PRPF19: variants seen among roughly 807,000 people sequenced by gnomAD.
PRPF19 encodes pre-mRNA processing factor 19, also known as pre-mRNA-processing factor 19.
Under a neutral mutation model 64.2 loss-of-function variants are expected in PRPF19, and 2 were observed. The ratio of observed to expected loss-of-function variants is 0.03; its 90% CI spans 0.01 to 0.10. PRPF19 has a LOEUF of 0.10. Among genes scored for constraint, PRPF19 ranks in the 10% least tolerant of loss-of-function variants. The pLI, the probability that PRPF19 is intolerant of heterozygous loss-of-function variation, is 1.00. For synonymous variants in PRPF19, 226 were observed against 251.6 expected (o/e 0.90, Z 0.96); for missense variants, 314 against 650.0 (o/e 0.48, Z 5.62).
chr11:60,903,199 T>C (rs1590608811), intron 3 of PRPF19, among the ~76,000 whole-genome samples: 2 of 152,178 alleles, frequency 1.3e-5, no homozygotes, highest in African/African-American at 4.8e-5. Context: ...CTGCTATTTA[T>C]TGATCGCCCT....
Position 60,903,877 on chromosome 11 carries a change from T to C in PRPF19, c.20-16A>G, listed in dbSNP as rs1856013320. 1 of 1,606,214 alleles carries C rather than the reference T, an allele frequency of 6.2e-7. No individual in the cohort carries two copies. Among genetic ancestry groups the C allele is most frequent in the Non-Finnish European group, 8.5e-7 (1 of 1,178,158 alleles). ...TCGTTAGAGACTGTAGAGAAAAGGCTGGTAGTGAGCTTGGAGTGAAGGCAA... is the reference window on the plus strand; with the variant it reads ...TCGTTAGAGACTGTAGAGAAAAGGCCGGTAGTGAGCTTGGAGTGAAGGCAA... On this transcript the variant is annotated splice_polypyrimidine_tract_variant and intron_variant, in intron 1 of 15. Coordinates refer to ENST00000227524, the MANE Select transcript of PRPF19 (RefSeq NM_014502.5).
At chr11:60,904,728 C>T (rs1423608421) in intron 1 of PRPF19, among the ~76,000 whole-genome samples, 1 of 152,202 alleles carries the variant, frequency 6.6e-6, no homozygotes, top group African/African-American at 2.4e-5. Flanking sequence ...GGGCACCCCA[C>T]CCTCCAGGAA....
chr11:60,900,835 G>C lies in PRPF19; in HGVS notation c.718+19C>G. The C allele has an allele frequency of 6.2e-7, 1 of 1,614,076 alleles. No homozygotes were observed. The highest frequency in any genetic ancestry group is 8.5e-7 in the Non-Finnish European group (1 of 1,179,952). ...GCCCCTCCCCACTTTGGCCTGCCGG[G>C]CTAGGCCCAGACTCTCACCAGTGAG... On this transcript the variant is annotated intron_variant, in intron 9 of 15. Transcript: ENST00000227524.
intron 15 of PRPF19, chr11:60,897,609 T>A: frequency 2.5e-6 from 1 of 404,630 alleles, no homozygotes; most frequent in Non-Finnish European, 4.4e-6. Context: ...GGGACTTTTC[T>A]CTCCCTTTAG....
chr11:60,905,132 A>G (rs1001548107), intron 1 of PRPF19, among the ~76,000 whole-genome samples: 1 of 152,252 alleles, frequency 6.6e-6, no homozygotes, highest in Non-Finnish European at 1.5e-5. Flanking sequence ...ACAGTAATTC[A>G]TCTTCACAAC....
intron 10 of PRPF19, 120 bp from the exon 11 acceptor site, chr11:60,899,424 G>T: frequency 9.0e-7 from 1 of 1,114,918 alleles, no homozygotes. Flanking sequence ...TTTCAGCTCT[G>T]CCCTCCCTGG....
rs1382775169 is a variant in PRPF19, at chr11:60,890,917, G to A, written c.*249C>T. The A allele has an allele frequency of 4.2e-5, 25 of 589,726 alleles. 1 individual carries two copies. Among genetic ancestry groups the A allele is most frequent in the South Asian group, 2.5e-4 (16 of 64,756 alleles). 36.5% of individuals were successfully genotyped at this position (589,726 alleles called of 1,614,324 possible). A position where few individuals can be genotyped will look rare whatever the true frequency, so the allele number is the denominator to read the frequency against. Reference sequence around the variant, plus strand: ...CAGGAAGGGAGAGGCCCTGGGCTCCGACCCTGGGCCTTAAGAGGGTGACAG... The same window carrying A: ...CAGGAAGGGAGAGGCCCTGGGCTCCAACCCTGGGCCTTAAGAGGGTGACAG... On this transcript the variant is annotated 3_prime_UTR_variant, in exon 16 of 16. Transcript: ENST00000227524.
At chr11:60,899,012 C>A in intron 11 of PRPF19, 81 bp from the exon 12 acceptor site, 1 of 1,509,470 alleles carries the variant, frequency 6.6e-7, no homozygotes, top group Non-Finnish European at 9.0e-7. Flanking sequence ...GACAGAGCCC[C>A]TGGTTTGGCA....
At position 60,906,569 on chromosome 11, in the gene PRPF19, A is replaced by G. The variant is rs1409121532; in HGVS notation, c.-187T>C. ...GGGACAGCCGCGCGCCACAGCCTTC[A>G]GCACCTAACGGAAATTGCCCTTTCC... On this transcript the variant is annotated 5_prime_UTR_variant, in exon 1 of 16. Coordinates refer to ENST00000227524, the MANE Select transcript of PRPF19 (RefSeq NM_014502.5). 1 of 566,520 alleles carries G rather than the reference A, an allele frequency of 1.8e-6. No homozygotes were observed. The highest frequency in any genetic ancestry group is 3.0e-6 in the Non-Finnish European group (1 of 329,874). The allele number at this position is 566,520 out of a possible 1,614,324, so 35.1% of individuals were successfully genotyped here.
chr11:60,894,072 C>G (rs1176149968), intron 15 of PRPF19, among the ~76,000 whole-genome samples: 1 of 152,178 alleles, frequency 6.6e-6, no homozygotes, highest in Non-Finnish European at 1.5e-5. Context: ...CATCTTTTTC[C>G]AAGACCCACC....
chr11:60,906,459 G>C lies in PRPF19; in HGVS notation c.-77C>G. Reference sequence around the variant, plus strand: ...TCTGAGCCTCCGCGAGCCACTTCCGGTCCCCCGCTGCTGCCGGGACTGCTC... The same window carrying C: ...TCTGAGCCTCCGCGAGCCACTTCCGCTCCCCCGCTGCTGCCGGGACTGCTC... On this transcript the variant is annotated 5_prime_UTR_variant, in exon 1 of 16. Coordinates refer to ENST00000227524, the MANE Select transcript of PRPF19 (RefSeq NM_014502.5). 6.8e-7 allele frequency: 1 copy of C among 1,460,940 alleles called. No individual in the cohort carries two copies. The highest frequency in any genetic ancestry group is 1.2e-5 in the South Asian group (1 of 81,650). 90.5% of individuals were successfully genotyped at this position (1,460,940 alleles called of 1,614,324 possible). A position where few individuals can be genotyped will look rare whatever the true frequency, so the allele number is the denominator to read the frequency against.
chr11:60,898,987 G>C lies in PRPF19; in HGVS notation c.985-56C>G. Reference sequence around the variant, plus strand: ...GTGAGAAAGTGGGTCCCAGGTTCTGGTGGCCCTTCAGCAAGACAGAGCCCC... The same window carrying C: ...GTGAGAAAGTGGGTCCCAGGTTCTGCTGGCCCTTCAGCAAGACAGAGCCCC... On this transcript the variant is annotated intron_variant, in intron 11 of 15. Transcript: ENST00000227524. This position sits in a 1 kb window ranked among gnomAD's most constrained non-coding sequence, Gnocchi z 4.6. 1 of 1,527,320 alleles carries C rather than the reference G, an allele frequency of 6.5e-7. No individual in the cohort carries two copies. Among genetic ancestry groups the C allele is most frequent in the East Asian group, 2.4e-5 (1 of 42,256 alleles). 94.6% of individuals were successfully genotyped at this position (1,527,320 alleles called of 1,614,324 possible). A position where few individuals can be genotyped will look rare whatever the true frequency, so the allele number is the denominator to read the frequency against.
At chr11:60,903,032 C>G in intron 3 of PRPF19, 151 bp from the exon 4 acceptor site, 1 of 1,354,514 alleles carries the variant, frequency 7.4e-7, no homozygotes, top group Non-Finnish European at 9.9e-7. Flanking sequence ...ACGAATGTGC[C>G]GGCAGACACT....
intron 15 of PRPF19, among the ~76,000 whole-genome samples, chr11:60,893,672 T>C (rs1172253538): frequency 6.6e-6 from 1 of 152,116 alleles, no homozygotes; most frequent in Non-Finnish European, 1.5e-5. Context: ...AAAGTTATGT[T>C]GGCCAGGCAT....
At position 60,898,149 on chromosome 11, in the gene PRPF19, C is replaced by G. The variant is rs1375851211; in HGVS notation, c.1263G>C (p.Leu421=). 1 of 1,614,220 alleles carries G rather than the reference C, an allele frequency of 6.2e-7. No homozygotes were observed. Reference sequence around the variant, plus strand: ...AAGTCTTAAAGTTCTTAAGCTTGCGCAGATCCCAGAGCTTGACAGAGGAGT... The same window carrying G: ...AAGTCTTAAAGTTCTTAAGCTTGCGGAGATCCCAGAGCTTGACAGAGGAGT... ...ADDSSVKLWD[L]RKLKNFKTLQ... The change falls in exon 14 of 16, where the codon CTG becomes CTC. Residue 421 remains leucine, a synonymous_variant. Transcript: ENST00000227524. This position sits in a 1 kb window ranked among gnomAD's most constrained non-coding sequence, Gnocchi z 4.6.
intron 15 of PRPF19, among the ~76,000 whole-genome samples, chr11:60,895,341 G>A (rs147492951): frequency 7.2e-4 from 109 of 152,358 alleles, no homozygotes; most frequent in African/African-American, 2.5e-3. Flanking sequence ...CTGTTATGGA[G>A]ATGGCTTCTT....
At chr11:60,893,119 A>C (rs1367715276) in intron 15 of PRPF19, among the ~76,000 whole-genome samples, 10 of 152,234 alleles carry the variant, frequency 6.6e-5, no homozygotes, top group Admixed American at 6.5e-4. Context: ...CATAACCATC[A>C]TCATGTCACA....
At chr11:60,891,390 C>T in intron 15 of PRPF19, 127 bp from the exon 16 acceptor site, 1 of 725,254 alleles carries the variant, frequency 1.4e-6, no homozygotes, top group Non-Finnish European at 2.3e-6. Context: ...CCGCAGGCTC[C>T]TGTTTGTTTT....
In PRPF19 at chr11:60,890,909, TG is replaced by T. The variant is rs763414417; in HGVS notation, c.*256del. On this transcript the variant is annotated 3_prime_UTR_variant, in exon 16 of 16. Transcript: ENST00000227524. Reference sequence around the variant, plus strand: ...TTGAACGACAGGAAGGGAGAGGCCCTGGGCTCCGACCCTGGGCCTTAAGAGG... The same window carrying T: ...TTGAACGACAGGAAGGGAGAGGCCCTGGCTCCGACCCTGGGCCTTAAGAGG... The T allele has an allele frequency of 4.0e-4, 235 of 586,298 alleles. No individual in the cohort carries two copies. Among genetic ancestry groups the T allele is most frequent in the Non-Finnish European group, 5.5e-4 (172 of 312,676 alleles). The allele number at this position is 586,298 out of a possible 1,614,324, so 36.3% of individuals were successfully genotyped here.
Sources: allele counts gnomAD v4.1 joint callset (sites outside exome capture counted in the v4.1 genomes callset), GRCh38; gene constraint gnomAD v4.1.1; non-coding constraint Gnocchi (gnomAD v3.1); transcripts MANE v1.5; gene names NCBI Gene and HGNC (gene_info 2026-07-23, HGNC 2026-07-21).